The following NUDT5 variants were observed in gnomAD, a reference collection of about 807,000 sequenced individuals.
The protein encoded by NUDT5 is ADP-sugar pyrophosphatase.
NUDT5 carries 21 observed loss-of-function variants against 34.1 expected under a neutral mutation model. The ratio of observed to expected loss-of-function variants is 0.62; its 90% CI spans 0.44 to 0.89. The LOEUF (loss-of-function observed/expected upper bound fraction) is 0.89. Ranked by LOEUF, NUDT5 falls within the 40% of genes least tolerant of loss-of-function variation. The probability of loss-of-function intolerance (pLI) is 0.00; values close to 1 mark genes in which losing one functional copy is unlikely to be tolerated. For missense variants in NUDT5, 249 were observed against 274.8 expected (o/e 0.91, Z 0.66); for synonymous variants, 85 against 97.6 (o/e 0.87, Z 0.76).
chr10:12,180,653 G>A lies in NUDT5; in HGVS notation c.132-1521C>T, dbSNP rs1835027543. Among the ~76,000 whole-genome samples the A allele has an allele frequency of 2.0e-5, 3 of 152,254 alleles. No homozygotes were observed. In the South Asian group the frequency reaches 6.2e-4, roughly 32 times the overall value. ...GAGCTCCAACAACTTCAAAGGGCCT[G>A]TGAGATGCACAGCTGACTGGAAGTC... On this transcript the variant is annotated intron_variant, in intron 3 of 9. Coordinates refer to ENST00000491614, the MANE Select transcript of NUDT5 (RefSeq NM_014142.4).
At chr10:12,179,204 A>G (rs773012832) in intron 3 of NUDT5, 72 bp from the exon 4 acceptor site, 14 of 1,282,816 alleles carry the variant, frequency 1.1e-5, no homozygotes, top group Non-Finnish European at 1.6e-5. Flanking sequence ...TCTCTGTACA[A>G]CCAGAACTTC....
intron 9 of NUDT5, 31 bp from the exon 10 acceptor site, chr10:12,167,842 A>G (rs376510111): frequency 4.3e-5 from 69 of 1,611,114 alleles, no homozygotes; most frequent in Non-Finnish European, 8.5e-7. Flanking sequence ...AACTTAGATC[A>G]TGCCGTTAAG....
In NUDT5 at chr10:12,173,871, C is replaced by T. The variant is rs1834903228; in HGVS notation, c.290-58G>A. The T allele has an allele frequency of 3.8e-6, 3 of 786,984 alleles. No individual in the cohort carries two copies. Among genetic ancestry groups the T allele is most frequent in the Non-Finnish European group, 6.0e-6 (3 of 503,172 alleles). 48.8% of individuals were successfully genotyped at this position (786,984 alleles called of 1,614,324 possible). A position where few individuals can be genotyped will look rare whatever the true frequency, so the allele number is the denominator to read the frequency against. ...GGGAAATCCGGTTCTTTAAACCCTCCTTTTTTTTTTTTTGAGATGGAGTCT... is the reference window on the plus strand; with the variant it reads ...GGGAAATCCGGTTCTTTAAACCCTCTTTTTTTTTTTTTTGAGATGGAGTCT... On this transcript the variant is annotated intron_variant, in intron 5 of 9. Transcript: ENST00000491614. The surrounding 1 kb of genome is among the most constrained non-coding windows in gnomAD (Gnocchi z 4.7).
chr10:12,190,428 T>A (rs969487067), intron 1 of NUDT5, among the ~76,000 whole-genome samples: 6 of 152,016 alleles, frequency 3.9e-5, no homozygotes, highest in African/African-American at 1.4e-4. Context: ...GCACCAGCAG[T>A]GGAAACGTCT....
intron 4 of NUDT5, among the ~76,000 whole-genome samples, chr10:12,178,179 T>G (rs1415559662): frequency 6.6e-6 from 1 of 152,146 alleles, no homozygotes; most frequent in Non-Finnish European, 1.5e-5. Context: ...GGGTCAAGGA[T>G]GTAAGGTTTC....
chr10:12,189,943 G>C (rs531751089), intron 1 of NUDT5, among the ~76,000 whole-genome samples: 1 of 150,298 alleles, frequency 6.7e-6, no homozygotes, highest in South Asian at 2.1e-4. Context: ...GCCCAGGCTG[G>C]AGTGCAGTGG....
chr10:12,190,875 C>G (rs1241240782), intron 1 of NUDT5, among the ~76,000 whole-genome samples: 1 of 151,982 alleles, frequency 6.6e-6, no homozygotes, highest in Admixed American at 6.6e-5. Flanking sequence ...TCCCACAGCA[C>G]TGGGATTACA....
rs1337035046 is a variant in NUDT5, at chr10:12,166,085, C to T, written c.*1617G>A. On this transcript the variant is annotated 3_prime_UTR_variant, in exon 10 of 10. Coordinates refer to ENST00000491614, the MANE Select transcript of NUDT5 (RefSeq NM_014142.4). ...TCATGTTTATAAAAAATAGAAATGG[C>T]ATTTAGGGATACATTCTAGGATTTG... The T allele has an allele frequency of 6.6e-6, 1 of 152,204 alleles. No individual in the cohort carries two copies. The highest frequency in any genetic ancestry group is 1.5e-5 in the Non-Finnish European group (1 of 68,054). 9.4% of individuals were successfully genotyped at this position (152,204 alleles called of 1,614,324 possible). A position where few individuals can be genotyped will look rare whatever the true frequency, so the allele number is the denominator to read the frequency against.
intron 3 of NUDT5, among the ~76,000 whole-genome samples, chr10:12,183,197 A>C (rs924872896): frequency 1.3e-5 from 2 of 152,216 alleles, no homozygotes; most frequent in Admixed American, 1.3e-4. Context: ...GTGCTCCCTA[A>C]GACTTGGGCC....
intron 9 of NUDT5, 145 bp from the exon 10 acceptor site, chr10:12,167,956 G>A (rs1217125074): frequency 7.2e-7 from 1 of 1,388,740 alleles, no homozygotes; most frequent in Non-Finnish European, 9.4e-7. Context: ...GGTCTATAAG[G>A]ATCTTAAAGA....
At chr10:12,177,974 C>T in intron 4 of NUDT5, 74 bp from the exon 5 acceptor site, 1 of 1,044,222 alleles carries the variant, frequency 9.6e-7, no homozygotes, top group Admixed American at 2.0e-5. Flanking sequence ...TTAGAGCAAG[C>T]TAATGAAAAC....
intron 9 of NUDT5, 26 bp from the exon 10 acceptor site, chr10:12,167,837 A>G: frequency 6.2e-7 from 1 of 1,612,468 alleles, no homozygotes; most frequent in Non-Finnish European, 8.5e-7. Context: ...AAAACAACTT[A>G]GATCATGCCG....
At chr10:12,180,186 A>G (rs1184582603) in intron 3 of NUDT5, among the ~76,000 whole-genome samples, 1 of 152,158 alleles carries the variant, frequency 6.6e-6, no homozygotes, top group African/African-American at 2.4e-5. Flanking sequence ...TTTGCTTTTT[A>G]AAAAACAAAA....
rs1351611835 is a variant in NUDT5 at position 12,187,448 on chromosome 10, T to C, written c.-41-1116A>G. On this transcript the variant is annotated intron_variant, in intron 1 of 9. Transcript: ENST00000491614. The surrounding 1 kb of genome is among the most constrained non-coding windows in gnomAD (Gnocchi z 5.4). ...GAGCAGGCCCTTATCCCATTTATTG[T>C]ATATTATTATTTCCTCTTTCTTTAT... is the stretch of plus-strand genomic sequence containing the variant. Among the ~76,000 whole-genome samples the C allele has an allele frequency of 6.6e-6, 1 of 152,228 alleles. No individual in the cohort carries two copies. Among genetic ancestry groups the C allele is most frequent in the Non-Finnish European group, 1.5e-5 (1 of 68,046 alleles).
rs1357554770 is a variant in NUDT5 at position 12,171,395 on chromosome 10, CAG to C, written c.488-489_488-488del. Among the ~76,000 whole-genome samples the C allele has an allele frequency of 6.6e-6, 1 of 152,210 alleles. No individual in the cohort carries two copies. Among genetic ancestry groups the C allele is most frequent in the African/African-American group, 2.4e-5 (1 of 41,460 alleles). On this transcript the variant is annotated intron_variant, in intron 7 of 9. Transcript: ENST00000491614. The surrounding 1 kb of genome is among the most constrained non-coding windows in gnomAD (Gnocchi z 4.2). ...TTCTGGGCACCCAGATACGTAGAATCAGAGTATTTGCCCATCATGTTATCGCA... is the reference window on the plus strand; with the variant it reads ...TTCTGGGCACCCAGATACGTAGAATCAGTATTTGCCCATCATGTTATCGCA...
intron 5 of NUDT5, among the ~76,000 whole-genome samples, chr10:12,176,146 G>C (rs1834946327): frequency 6.6e-6 from 1 of 150,630 alleles, no homozygotes. Flanking sequence ...GCAGTGAGCT[G>C]AGATCCTGCC....
Position 12,187,815 on chromosome 10 carries a change from T to A in NUDT5, c.-41-1483A>T, listed in dbSNP as rs563199327. ...ACAGGGAATTTTTTTCTTGAACGAC[T>A]TCACTGATGATTTCCTCCCCTGTGT... is the stretch of plus-strand genomic sequence containing the variant. On this transcript the variant is annotated intron_variant, in intron 1 of 9. Coordinates refer to ENST00000491614, the MANE Select transcript of NUDT5 (RefSeq NM_014142.4). The surrounding 1 kb of genome is among the most constrained non-coding windows in gnomAD (Gnocchi z 5.4). Among the ~76,000 whole-genome samples, 2 of 152,262 alleles carry A rather than the reference T, an allele frequency of 1.3e-5. No individual in the cohort carries two copies. The highest frequency in any genetic ancestry group is 4.8e-5 in the African/African-American group (2 of 41,526).
In NUDT5 at chr10:12,181,791, C is replaced by T. The variant is rs545676505; in HGVS notation, c.132-2659G>A. On this transcript the variant is annotated intron_variant, in intron 3 of 9. Transcript: ENST00000491614. The surrounding 1 kb of genome is among the most constrained non-coding windows in gnomAD (Gnocchi z 5.0). The stretch of plus-strand genomic sequence containing the variant: ...TTCAGGGGTTCGAGACCAGCCTGGG[C>T]AACATAGTGAGACTCTGTCTCTACT... 5.9e-5 allele frequency among the ~76,000 whole-genome samples: 9 copies of T among 151,598 alleles called. No homozygotes were observed. In the South Asian group the frequency reaches 1.7e-3, roughly 28 times the overall value.
chr10:12,192,164 GA>G (rs1228332580), intron 1 of NUDT5, among the ~76,000 whole-genome samples: 4 of 152,074 alleles, frequency 2.6e-5, no homozygotes, highest in African/African-American at 4.8e-5. Flanking sequence ...ATTGAATAGG[GA>G]AATCAACAAG....
Sources: gnomAD v4.1 joint callset for allele counts (sites outside exome capture counted in the v4.1 genomes callset) on GRCh38, gnomAD v4.1.1 for gene constraint, Gnocchi (gnomAD v3.1) non-coding constraint, MANE v1.5 for transcripts, NCBI Gene and HGNC (gene_info 2026-07-23, HGNC 2026-07-21) for gene names.